The following SPAG1 variants were observed in gnomAD, a reference collection of about 807,000 sequenced individuals.
SPAG1 encodes sperm-associated antigen 1.
A neutral mutation model predicts 100.5 loss-of-function variants in SPAG1; 69 were observed. That is an observed-to-expected ratio of 0.69 (90% confidence interval 0.57 to 0.84). The LOEUF (loss-of-function observed/expected upper bound fraction) is 0.84, where lower values mean the gene tolerates loss of function less well. SPAG1 is among the 40% of genes least tolerant of loss of function. The pLI, the probability that SPAG1 is intolerant of heterozygous loss-of-function variation, is 0.00. For missense variants in SPAG1, 955 were observed against 1,133.1 expected, an observed-to-expected ratio of 0.84 and a Z score of 2.26; for synonymous variants, 336 against 411.6, an observed-to-expected ratio of 0.82 and a Z score of 2.22.
intron 12 of SPAG1, among the ~76,000 whole-genome samples, chr8:100,217,847 A>T (rs1215049434): frequency 6.6e-6 from 1 of 151,970 alleles, no homozygotes; most frequent in African/African-American, 2.4e-5. Flanking sequence ...CAATGGCATG[A>T]TCTCTGCTCA....
Position 100,213,848 on chromosome 8 carries a change from T to C in SPAG1, c.1465T>C (p.Leu489=). The change falls in exon 12 of 19, where the codon TTA becomes CTA. Residue 489 remains leucine, a synonymous_variant. Coordinates refer to ENST00000388798, the MANE Select transcript of SPAG1 (RefSeq NM_003114.5). ...TGAAATTGCAGATGATCTAAGTATCTTATATTCAAATAGAGCAGCATGTTA... is the reference window on the plus strand; with the variant it reads ...TGAAATTGCAGATGATCTAAGTATCCTATATTCAAATAGAGCAGCATGTTA... The part of the protein sequence containing the change: ...GSEIADDLSI[L]YSNRAACYLK... The C allele has an allele frequency of 6.2e-7, 1 of 1,600,898 alleles. No individual in the cohort carries two copies.
rs747708662 is a variant in SPAG1, at chr8:100,165,826, A to G, written c.153A>G (p.Glu51=). 2 of 1,612,200 alleles carry G rather than the reference A, an allele frequency of 1.2e-6. No individual in the cohort carries two copies. The highest frequency in any genetic ancestry group is 1.7e-4 in the Middle Eastern group (1 of 6,044). Residue 51 remains glutamate, a synonymous_variant, in exon 3 of 19, where the codon GAA becomes GAG. Transcript: ENST00000388798. ...ATTTCTTTTTAAGATCTGGTGAGGA[A>G]GGATATTATCCTGAACTTACAGAAT... ...KILCVLRSGE[E]GYYPELTEFC... is the part of the protein sequence containing the mutation.
chr8:100,191,776 T>C (rs755946735), intron 9 of SPAG1, among the ~76,000 whole-genome samples: 2 of 152,168 alleles, frequency 1.3e-5, no homozygotes, highest in Admixed American at 6.5e-5. Flanking sequence ...CTCTGAGCCA[T>C]GTGGAGTGGT....
intron 10 of SPAG1, 73 bp from the exon 11 acceptor site, chr8:100,213,017 C>A (rs1265421318): frequency 3.3e-6 from 4 of 1,225,618 alleles, no homozygotes; most frequent in Non-Finnish European, 4.2e-6. Context: ...TGCACCCCCG[C>A]GGCCTCCGCG....
intron 10 of SPAG1, among the ~76,000 whole-genome samples, chr8:100,195,747 A>G (rs1417834124): frequency 6.6e-6 from 1 of 152,182 alleles, no homozygotes; most frequent in Non-Finnish European, 1.5e-5. Flanking sequence ...CTATTATTTT[A>G]AAATTGTTAT....
At chr8:100,216,840 A>G (rs1375099284) in intron 12 of SPAG1, among the ~76,000 whole-genome samples, 1 of 151,850 alleles carries the variant, frequency 6.6e-6, no homozygotes, top group Non-Finnish European at 1.5e-5. Context: ...AACAGATTGC[A>G]TACATGTTAA....
chr8:100,193,873 T>G (rs1005823298), intron 9 of SPAG1, among the ~76,000 whole-genome samples: 1 of 152,204 alleles, frequency 6.6e-6, no homozygotes, highest in Non-Finnish European at 1.5e-5. Context: ...AATAGTAGTA[T>G]CTGAATGGCA....
intron 2 of SPAG1, among the ~76,000 whole-genome samples, chr8:100,164,422 T>G (rs1033370781): frequency 3.3e-5 from 5 of 152,094 alleles, no homozygotes; most frequent in African/African-American, 7.2e-5. Flanking sequence ...ATGATAAAAT[T>G]TTTTTTTATT....
At chr8:100,213,538 C>A in intron 11 of SPAG1, 110 bp downstream of exon 11, 1 of 871,486 alleles carries the variant, frequency 1.1e-6, no homozygotes, top group Non-Finnish European at 1.6e-6. Flanking sequence ...CAGGCGCCGG[C>A]ATCGCTGCAT....
At chr8:100,196,557 T>G (rs1817040052) in intron 10 of SPAG1, among the ~76,000 whole-genome samples, 1 of 152,196 alleles carries the variant, frequency 6.6e-6, no homozygotes, top group Non-Finnish European at 1.5e-5. Context: ...AAAATTGGGT[T>G]GTTGTTTTCC....
intron 14 of SPAG1, among the ~76,000 whole-genome samples, chr8:100,229,576 C>A (rs1818674315): frequency 6.6e-6 from 1 of 152,230 alleles, no homozygotes; most frequent in Non-Finnish European, 1.5e-5. Context: ...ACACCCCACG[C>A]ACTGAATGGC....
chr8:100,170,816 TA>T (rs1470996538), intron 3 of SPAG1, among the ~76,000 whole-genome samples: 3 of 147,026 alleles, frequency 2.0e-5, no homozygotes, highest in African/African-American at 2.6e-5. Context: ...TTTATTTATT[TA>T]TTTATTTATT....
chr8:100,195,634 G>A (rs1340391403), intron 10 of SPAG1, among the ~76,000 whole-genome samples: 1 of 151,982 alleles, frequency 6.6e-6, no homozygotes, highest in Non-Finnish European at 1.5e-5. Context: ...ATCTTCTTAG[G>A]GTTTATATTG....
intron 16 of SPAG1, among the ~76,000 whole-genome samples, chr8:100,237,634 C>T (rs1586563045): frequency 6.6e-6 from 1 of 152,150 alleles, no homozygotes; most frequent in African/African-American, 2.4e-5. Flanking sequence ...GCTCCTGGCA[C>T]ATGGACGTGC....
chr8:100,204,411 T>G (rs1817419909), intron 10 of SPAG1, among the ~76,000 whole-genome samples: 1 of 151,886 alleles, frequency 6.6e-6, no homozygotes, highest in Non-Finnish European at 1.5e-5. Context: ...ATTAAGGGTG[T>G]GGGATAATGG....
intron 10 of SPAG1, among the ~76,000 whole-genome samples, chr8:100,201,909 G>A (rs1267966874): frequency 2.0e-5 from 3 of 152,202 alleles, no homozygotes; most frequent in African/African-American, 7.2e-5. Context: ...CATTAAACAT[G>A]TTGTCTGGAG....
intron 3 of SPAG1, 65 bp from the exon 4 acceptor site, chr8:100,177,751 A>G: frequency 2.0e-6 from 2 of 979,398 alleles, no homozygotes; most frequent in Non-Finnish European, 3.0e-6. Flanking sequence ...GGTCAACTAT[A>G]GTTCTTTCTT....
chr8:100,178,192 CT>C (rs767404387), intron 4 of SPAG1, among the ~76,000 whole-genome samples: 6 of 151,534 alleles, frequency 4.0e-5, no homozygotes, highest in African/African-American at 1.2e-4. Flanking sequence ...TGCCTTTAGT[CT>C]TTTTTTTCTT....
intron 3 of SPAG1, among the ~76,000 whole-genome samples, chr8:100,176,958 T>C: frequency 6.6e-6 from 1 of 150,782 alleles, no homozygotes; most frequent in Non-Finnish European, 1.5e-5. Flanking sequence ...TTTTTTTCGT[T>C]TCTTTCTTTT....
Sources: allele counts gnomAD v4.1 joint callset (sites outside exome capture counted in the v4.1 genomes callset), GRCh38; gene constraint gnomAD v4.1.1; transcripts MANE v1.5; gene names NCBI Gene and HGNC (gene_info 2026-07-23, HGNC 2026-07-21).